The following KLHL29 variants were observed in gnomAD, a reference collection of about 807,000 sequenced individuals.
KLHL29 encodes kelch-like protein 29.
KLHL29 carries 21 observed loss-of-function variants against 80.4 expected under a neutral mutation model. That is an observed-to-expected ratio of 0.26 (90% CI 0.19 to 0.38). The LOEUF is 0.38. Among genes scored for constraint, KLHL29 ranks in the 10% least tolerant of loss-of-function variants. The pLI, the probability that KLHL29 is intolerant of heterozygous loss-of-function variation, is 1.00. For missense variants in KLHL29, 867 were observed against 1,223.9 expected (o/e 0.71, Z 4.35); for synonymous variants, 511 against 526.8 (o/e 0.97, Z 0.41).
At chr2:23,586,787 G>C (rs1425793429) in intron 3 of KLHL29, among the ~76,000 whole-genome samples, 1 of 152,102 alleles carries the variant, frequency 6.6e-6, no homozygotes, top group Non-Finnish European at 1.5e-5. Context: ...CCTCGAGAGG[G>C]CTGCCTGCCC....
intron 4 of KLHL29, among the ~76,000 whole-genome samples, chr2:23,641,870 A>G (rs1174317389): frequency 1.3e-5 from 2 of 152,084 alleles, no homozygotes; most frequent in African/African-American, 4.8e-5. Context: ...TGTAATCCCA[A>G]CTACTCAGGA....
intron 5 of KLHL29, among the ~76,000 whole-genome samples, chr2:23,654,436 AATTG>A (rs1260628893): frequency 2.0e-5 from 3 of 152,168 alleles, no homozygotes; most frequent in Middle Eastern, 3.2e-3. Context: ...AGGTTTCAGG[AATTG>A]ATTGATCCAA....
intron 1 of KLHL29, among the ~76,000 whole-genome samples, chr2:23,438,466 T>C (rs892343114): frequency 6.6e-5 from 9 of 136,852 alleles, no homozygotes; most frequent in African/African-American, 2.7e-4. Flanking sequence ...ATAGCTCTTA[T>C]TATTTTGAGA....
intron 1 of KLHL29, among the ~76,000 whole-genome samples, chr2:23,404,683 G>C (rs1666682093): frequency 6.6e-6 from 1 of 152,220 alleles, no homozygotes; most frequent in South Asian, 2.1e-4. Context: ...GCTTGCAATT[G>C]AGTTGTATGT....
At chr2:23,651,138 G>A (rs999981373) in intron 5 of KLHL29, among the ~76,000 whole-genome samples, 2 of 152,120 alleles carry the variant, frequency 1.3e-5, no homozygotes, top group South Asian at 2.1e-4. Flanking sequence ...CTGAAAGGTC[G>A]CCATCCATTG....
chr2:23,453,586 C>T (rs1394128343), intron 1 of KLHL29, among the ~76,000 whole-genome samples: 4 of 152,174 alleles, frequency 2.6e-5, no homozygotes, highest in African/African-American at 9.7e-5. Context: ...TCTGGCAGCC[C>T]CAGGATGCCC....
In KLHL29 at chr2:23,409,932, C is replaced by T. The variant is rs143912345; in HGVS notation, c.-154+24152C>T. Among the ~76,000 whole-genome samples, 73 of 152,216 alleles carry T rather than the reference C, an allele frequency of 4.8e-4. No homozygotes were observed. In the East Asian group the frequency reaches 0.013, roughly 27 times the overall value. The stretch of plus-strand genomic sequence containing the variant: ...GCTTAGCATTTAAAGGGAGGGTGAG[C>T]TGGGGAAGGAGCAGGGATGATGCAT... On this transcript the variant is annotated intron_variant, in intron 1 of 13. Transcript: ENST00000486442.
chr2:23,399,050 C>G (rs552044901), intron 1 of KLHL29, among the ~76,000 whole-genome samples: 2 of 152,166 alleles, frequency 1.3e-5, no homozygotes, highest in African/African-American at 2.4e-5. Context: ...GGCCATGGAG[C>G]GCTTTGGGTC....
chr2:23,397,206 C>T (rs1250669760), intron 1 of KLHL29, among the ~76,000 whole-genome samples: 5 of 152,224 alleles, frequency 3.3e-5, no homozygotes, highest in Admixed American at 1.3e-4. Flanking sequence ...GGCACACAAA[C>T]GGCCCTCCTG....
intron 2 of KLHL29, among the ~76,000 whole-genome samples, chr2:23,558,019 G>A (rs1667342605): frequency 6.6e-6 from 1 of 152,170 alleles, no homozygotes; most frequent in South Asian, 2.1e-4. Flanking sequence ...AGGTTGCCAT[G>A]ACGAGCGAAG....
intron 2 of KLHL29, among the ~76,000 whole-genome samples, chr2:23,550,273 AG>A (rs377067495): frequency 4.1e-4 from 62 of 152,232 alleles, no homozygotes; most frequent in East Asian, 1.9e-3. Context: ...TGAGAGGGAA[AG>A]GGGGGCACGA....
chr2:23,703,291 G>C lies in KLHL29; in HGVS notation c.2211G>C (p.Gly737=), dbSNP rs1444398516. Residue 737 remains glycine (G), a synonymous_variant, in exon 12 of 14, where the codon GGG becomes GGC. Transcript: ENST00000486442. ...GCGGCAAGATCTACGTGTTTGGTGG[G>C]GTGAACGAGGCAGGCCGAGCTGCCG... ...VCGGKIYVFG[G]VNEAGRAAGV... is the part of the protein sequence containing the mutation. 1 of 1,549,222 alleles carries C rather than the reference G, an allele frequency of 6.5e-7. No homozygotes were observed. Among genetic ancestry groups the C allele is most frequent in the Admixed American group, 2.0e-5 (1 of 50,796 alleles).
At chr2:23,616,108 C>T (rs1668997337) in intron 3 of KLHL29, among the ~76,000 whole-genome samples, 2 of 152,162 alleles carry the variant, frequency 1.3e-5, no homozygotes, top group Admixed American at 6.5e-5. Flanking sequence ...TGCTATTGGC[C>T]ACTGAGCCAG....
At chr2:23,412,634 G>T (rs1045913765) in intron 1 of KLHL29, among the ~76,000 whole-genome samples, 1 of 152,198 alleles carries the variant, frequency 6.6e-6, no homozygotes, top group Admixed American at 6.5e-5. Flanking sequence ...ACCAGAGGGA[G>T]TGGAGATTAC....
chr2:23,588,754 GCAGGTGGACTGGAGGCCA>G (rs1375877628), intron 3 of KLHL29, among the ~76,000 whole-genome samples: 9 of 152,204 alleles, frequency 5.9e-5, no homozygotes, highest in African/African-American at 2.2e-4. Flanking sequence ...GGCTGTACCG[GCAGGTGGACTGGAGGCCA>G]CAGAGAAGAG....
intron 4 of KLHL29, 131 bp from the exon 5 acceptor site, chr2:23,642,207 T>A (rs958676247): frequency 2.5e-6 from 2 of 800,308 alleles, no homozygotes; most frequent in Non-Finnish European, 3.5e-6. Context: ...AGATTCCTAA[T>A]CGGTCAGTTC....
chr2:23,396,048 A>G (rs1043919674), intron 1 of KLHL29, among the ~76,000 whole-genome samples: 1 of 152,244 alleles, frequency 6.6e-6, no homozygotes, highest in Non-Finnish European at 1.5e-5. Context: ...TTGCCAAAGC[A>G]AGACATGTCC....
chr2:23,443,504 C>G (rs1337235183), intron 1 of KLHL29, among the ~76,000 whole-genome samples: 1 of 152,114 alleles, frequency 6.6e-6, no homozygotes, highest in African/African-American at 2.4e-5. Context: ...TTTTCCCTTT[C>G]ATAGCATTGA....
chr2:23,610,964 C>T (rs1334614343), intron 3 of KLHL29, among the ~76,000 whole-genome samples: 1 of 152,030 alleles, frequency 6.6e-6, no homozygotes, highest in Non-Finnish European at 1.5e-5. Context: ...AAAATTACTG[C>T]CCACATGGAG....
Sources: allele counts gnomAD v4.1 joint callset (sites outside exome capture counted in the v4.1 genomes callset), GRCh38; gene constraint gnomAD v4.1.1; transcripts MANE v1.5; gene names NCBI Gene and HGNC (gene_info 2026-07-23, HGNC 2026-07-21).